BAZ2B: variants seen among roughly 807,000 people sequenced by gnomAD.
The protein encoded by BAZ2B is bromodomain adjacent to zinc finger domain protein 2B.
In BAZ2B, 91 loss-of-function variants were observed where a neutral mutation model predicts 246.0. That is an observed-to-expected ratio of 0.37 (90% CI 0.31 to 0.44). BAZ2B has a LOEUF of 0.44. BAZ2B is among the 20% of genes least tolerant of loss of function. BAZ2B has a pLI of 1.00. For synonymous variants in BAZ2B, 855 were observed against 860.0 expected (o/e 0.99, Z 0.10); for missense variants, 2,332 against 2,533.7 (o/e 0.92, Z 1.71).
chr2:159,330,780 C>A (rs1362044130), intron 34 of BAZ2B, among the ~76,000 whole-genome samples: 1 of 151,702 alleles, frequency 6.6e-6, no homozygotes, highest in African/African-American at 2.4e-5. Flanking sequence ...ATAACTTGAA[C>A]CTGGGGGACT....
chr2:159,372,907 G>T, intron 27 of BAZ2B, 138 bp downstream of exon 27: 2 of 1,015,078 alleles, frequency 2.0e-6, no homozygotes, highest in Non-Finnish European at 2.8e-6. Flanking sequence ...CATTATGAGT[G>T]CAAAAGGAAT....
chr2:159,405,582 C>T (rs370866452), intron 14 of BAZ2B, among the ~76,000 whole-genome samples: 2 of 152,108 alleles, frequency 1.3e-5, no homozygotes, highest in African/African-American at 4.8e-5. Context: ...TGGTAGACAA[C>T]GTCATGTTCA....
At chr2:159,674,867 A>G in the BAZ2B span, among the ~76,000 whole-genome samples, 1 of 152,356 alleles carries the variant, frequency 6.6e-6, no homozygotes, top group South Asian at 2.1e-4. Flanking sequence ...TGAAGTATAT[A>G]CCTTTCACTG....
chr2:159,578,722 G>A (rs1685967833), intron 1 of BAZ2B, among the ~76,000 whole-genome samples: 1 of 152,148 alleles, frequency 6.6e-6, no homozygotes, highest in Admixed American at 6.5e-5. Flanking sequence ...TTTAACAACT[G>A]TCTCTAGGAC....
intron 2 of BAZ2B, among the ~76,000 whole-genome samples, chr2:159,544,840 A>G (rs1019834151): frequency 1.3e-5 from 2 of 152,224 alleles, no homozygotes; most frequent in Non-Finnish European, 2.9e-5. Context: ...TGCTTTGACT[A>G]TAAAAGAATG....
At chr2:159,540,578 T>C (rs917499259) in intron 2 of BAZ2B, among the ~76,000 whole-genome samples, 1 of 152,242 alleles carries the variant, frequency 6.6e-6, no homozygotes, top group Non-Finnish European at 1.5e-5. Context: ...ATATCCATAC[T>C]AAGGTCTCTT....
chr2:159,394,268 T>C (rs1196846761), intron 20 of BAZ2B, among the ~76,000 whole-genome samples: 1 of 152,136 alleles, frequency 6.6e-6, no homozygotes, highest in Non-Finnish European at 1.5e-5. Flanking sequence ...AGGTTCAGTG[T>C]TCAGGCTTTT....
At chr2:159,474,738 G>GT (rs1454568282) in intron 3 of BAZ2B, among the ~76,000 whole-genome samples, 1 of 152,176 alleles carries the variant, frequency 6.6e-6, no homozygotes. Flanking sequence ...AGGAGCTCTT[G>GT]TAAGGCAGGA....
At chr2:159,501,033 G>A (rs1330571961) in intron 2 of BAZ2B, among the ~76,000 whole-genome samples, 1 of 143,152 alleles carries the variant, frequency 7.0e-6, no homozygotes, top group Non-Finnish European at 1.5e-5. Context: ...ACTTTGGGAG[G>A]CTGAGGCAGG....
the BAZ2B span, among the ~76,000 whole-genome samples, chr2:159,651,068 C>A: frequency 2.3e-5 from 3 of 132,600 alleles, no homozygotes; most frequent in Non-Finnish European, 5.2e-5. Context: ...CTTAAAAAAA[C>A]ATTGTGATTA....
At chr2:159,600,479 C>A (rs1050569016) in intron 1 of BAZ2B, among the ~76,000 whole-genome samples, 2 of 151,722 alleles carry the variant, frequency 1.3e-5, no homozygotes, top group Admixed American at 6.6e-5. Flanking sequence ...CAAGAGTATA[C>A]AAAATGATAC....
chr2:159,517,945 C>T (rs958995197), intron 2 of BAZ2B, among the ~76,000 whole-genome samples: 2 of 152,142 alleles, frequency 1.3e-5, no homozygotes, highest in Non-Finnish European at 2.9e-5. Context: ...TTCTTGGTCA[C>T]GTTAACATTA....
chr2:159,659,140 G>A, the BAZ2B span, among the ~76,000 whole-genome samples: 42,207 of 152,024 alleles, frequency 0.28, 7,373 homozygotes, highest in South Asian at 0.46. Flanking sequence ...AATTTCTTCC[G>A]TGAATGTTTC....
rs184427024 is a variant in BAZ2B at position 159,408,414 on chromosome 2, T to C, written c.2678-3300A>G. ...TTGAACTCCTGGCTTCAAGCAATCC[T>C]CTCACCTTGGCCTCCCAAAGTGCTA... On this transcript the variant is annotated intron_variant, in intron 14 of 36. Transcript: ENST00000392783. Among the ~76,000 whole-genome samples the C allele has an allele frequency of 7.0e-3, 1,066 of 152,286 alleles. 10 individuals carry two copies. The highest frequency in any genetic ancestry group is 0.031 in the Middle Eastern group (9 of 294).
chr2:159,696,221 G>A, the BAZ2B span, among the ~76,000 whole-genome samples: 1 of 152,008 alleles, frequency 6.6e-6, no homozygotes, highest in South Asian at 2.1e-4. Flanking sequence ...TCTGTGAACA[G>A]GACTGGCTGT....
chr2:159,691,961 T>C, the BAZ2B span, among the ~76,000 whole-genome samples: 1 of 152,214 alleles, frequency 6.6e-6, no homozygotes, highest in African/African-American at 2.4e-5. Context: ...CAGTTATTAA[T>C]ACTGCATCAT....
At chr2:159,705,719 C>G in the BAZ2B span, among the ~76,000 whole-genome samples, 5 of 151,990 alleles carry the variant, frequency 3.3e-5, no homozygotes, top group African/African-American at 1.2e-4. Context: ...TAAGCACAAC[C>G]TGGAAAATGT....
chr2:159,365,124 G>A (rs1047216928), intron 27 of BAZ2B, among the ~76,000 whole-genome samples: 4 of 152,124 alleles, frequency 2.6e-5, no homozygotes, highest in African/African-American at 9.7e-5. Context: ...TTCTAGATAT[G>A]ATACAATTAA....
chr2:159,465,540 A>C (rs1347181030), intron 3 of BAZ2B, among the ~76,000 whole-genome samples: 3 of 152,222 alleles, frequency 2.0e-5, no homozygotes, highest in Non-Finnish European at 2.9e-5. Flanking sequence ...TTCTACTAAA[A>C]AGTGAAGTAA....
Sources: gnomAD v4.1 joint callset for allele counts (sites outside exome capture counted in the v4.1 genomes callset) on GRCh38, gnomAD v4.1.1 for gene constraint, MANE v1.5 for transcripts, NCBI Gene and HGNC (gene_info 2026-07-23, HGNC 2026-07-21) for gene names.